Variants in ASIC2 observed in about 807,000 individuals in gnomAD.
ASIC2 encodes the protein acid-sensing ion channel 2.
Under a neutral mutation model 57.3 loss-of-function variants are expected in ASIC2, and 25 were observed. The ratio of observed to expected loss-of-function variants is 0.44; its 90% confidence interval spans 0.32 to 0.61. ASIC2 has a LOEUF of 0.61. Among genes scored for constraint, ASIC2 ranks in the 20% least tolerant of loss-of-function variants. The pLI is 0.06. For missense variants in ASIC2, 641 were observed against 738.1 expected, an observed-to-expected ratio of 0.87 and a Z score of 1.52; for synonymous variants, 319 against 307.5, an observed-to-expected ratio of 1.04 and a Z score of -0.39.
intron 1 of ASIC2, among the ~76,000 whole-genome samples, chr17:33,321,300 C>T (rs1046400396): frequency 1.3e-5 from 2 of 152,124 alleles, no homozygotes; most frequent in African/African-American, 4.8e-5. Context: ...GCTACAAAAA[C>T]CTTAGTCTTG....
chr17:34,114,790 C>T (rs571376613), intron 1 of ASIC2, among the ~76,000 whole-genome samples: 8 of 152,264 alleles, frequency 5.3e-5, no homozygotes, highest in South Asian at 2.1e-4. Context: ...ATGGAGCAAT[C>T]GCCTGGAGCC....
chr17:33,259,113 G>A (rs1248902387), intron 1 of ASIC2, among the ~76,000 whole-genome samples: 1 of 152,202 alleles, frequency 6.6e-6, no homozygotes, highest in Non-Finnish European at 1.5e-5. Flanking sequence ...TGAGGGCTCA[G>A]GGTTGATATG....
intron 1 of ASIC2, among the ~76,000 whole-genome samples, chr17:33,890,017 A>C (rs2932915): frequency 6.6e-6 from 1 of 152,062 alleles, no homozygotes; most frequent in Non-Finnish European, 1.5e-5. Context: ...TGACCCCAGC[A>C]TGGAGCTCCA....
chr17:33,897,860 G>A (rs1442534181), intron 1 of ASIC2, among the ~76,000 whole-genome samples: 1 of 152,152 alleles, frequency 6.6e-6, no homozygotes, highest in African/African-American at 2.4e-5. Flanking sequence ...AAGTCTAAGA[G>A]TGAGGATAAA....
At chr17:33,761,836 CTT>C (rs34948462) in intron 1 of ASIC2, among the ~76,000 whole-genome samples, 523 of 137,276 alleles carry the variant, frequency 3.8e-3, no homozygotes, top group Middle Eastern at 3.8e-3. Flanking sequence ...AGCGCAAGGG[CTT>C]TTTTTTTTTT....
chr17:33,610,052 G>GCACACA (rs1491226445), intron 1 of ASIC2, among the ~76,000 whole-genome samples: 140 of 95,778 alleles, frequency 1.5e-3, no homozygotes, highest in African/African-American at 6.0e-3. Context: ...CTGGACAGAG[G>GCACACA]CGCACACACA....
intron 1 of ASIC2, among the ~76,000 whole-genome samples, chr17:33,928,861 T>A (rs1253473218): frequency 1.3e-5 from 2 of 152,088 alleles, no homozygotes; most frequent in African/African-American, 4.8e-5. Context: ...GTAATAGTAG[T>A]AGAAGCCTGA....
chr17:33,451,978 A>T (rs983751590), intron 1 of ASIC2, among the ~76,000 whole-genome samples: 2 of 152,230 alleles, frequency 1.3e-5, no homozygotes, highest in African/African-American at 4.8e-5. Flanking sequence ...AGTTAGTTAC[A>T]TGATATGCAC....
intron 1 of ASIC2, among the ~76,000 whole-genome samples, chr17:34,110,798 A>ATAT (rs914773752): frequency 6.6e-6 from 1 of 152,210 alleles, no homozygotes; most frequent in Non-Finnish European, 1.5e-5. Flanking sequence ...CTTACCTATA[A>ATAT]GCCTTGCTGG....
At chr17:33,340,324 A>T (rs1353678881) in intron 1 of ASIC2, among the ~76,000 whole-genome samples, 1 of 152,158 alleles carries the variant, frequency 6.6e-6, no homozygotes, top group African/African-American at 2.4e-5. Flanking sequence ...CAGTCTCTTA[A>T]GCTGCCAGAG....
intron 1 of ASIC2, among the ~76,000 whole-genome samples, chr17:33,358,797 A>G (rs187120861): frequency 1.3e-5 from 2 of 152,338 alleles, no homozygotes; most frequent in Non-Finnish European, 2.9e-5. Flanking sequence ...ACTCAAAGCA[A>G]TTGCAGAGAG....
At chr17:33,958,492 C>T (rs1006135627) in intron 1 of ASIC2, among the ~76,000 whole-genome samples, 1 of 152,188 alleles carries the variant, frequency 6.6e-6, no homozygotes, top group African/African-American at 2.4e-5. Context: ...CCCACAGGAC[C>T]AACACCACAT....
chr17:33,932,209 T>G (rs1212634371), intron 1 of ASIC2, among the ~76,000 whole-genome samples: 2 of 152,180 alleles, frequency 1.3e-5, no homozygotes, highest in African/African-American at 4.8e-5. Context: ...GCAGGAGCTC[T>G]CTGTTCAATG....
At chr17:33,881,499 C>T (rs1914699394) in intron 1 of ASIC2, among the ~76,000 whole-genome samples, 1 of 152,160 alleles carries the variant, frequency 6.6e-6, no homozygotes, top group Admixed American at 6.5e-5. Context: ...CATGAGTGAA[C>T]TCCCACTCAC....
intron 1 of ASIC2, among the ~76,000 whole-genome samples, chr17:33,711,599 C>A (rs1909038248): frequency 6.6e-6 from 1 of 152,156 alleles, no homozygotes; most frequent in African/African-American, 2.4e-5. Flanking sequence ...TTCTACATGG[C>A]TCAGGGGGCC....
intron 1 of ASIC2, among the ~76,000 whole-genome samples, chr17:33,352,633 T>C (rs958976582): frequency 6.6e-6 from 1 of 152,120 alleles, no homozygotes; most frequent in African/African-American, 2.4e-5. Context: ...CCTCCCAACT[T>C]TGCAAGACTG....
intron 1 of ASIC2, among the ~76,000 whole-genome samples, chr17:33,957,616 G>A (rs1025821143): frequency 6.6e-6 from 1 of 152,174 alleles, no homozygotes; most frequent in East Asian, 1.9e-4. Context: ...GAATAGCATG[G>A]GAAAATCCAC....
chr17:33,234,486 C>T (rs932770327), intron 1 of ASIC2, among the ~76,000 whole-genome samples: 13 of 152,320 alleles, frequency 8.5e-5, no homozygotes, highest in African/African-American at 3.1e-4. Context: ...TCTCTGCCCA[C>T]AGGCACTCAT....
chr17:33,716,543 GACTT>G (rs1909224658), intron 1 of ASIC2, among the ~76,000 whole-genome samples: 1 of 152,194 alleles, frequency 6.6e-6, no homozygotes, highest in Admixed American at 6.5e-5. Flanking sequence ...ACTTGAAATG[GACTT>G]ACTGTCATCA....
Sources: gnomAD v4.1 joint callset for allele counts (sites outside exome capture counted in the v4.1 genomes callset) on GRCh38, gnomAD v4.1.1 for gene constraint, MANE v1.5 for transcripts, NCBI Gene and HGNC (gene_info 2026-07-23, HGNC 2026-07-21) for gene names.